SEMA6A: variants seen among roughly 807,000 people sequenced by gnomAD.
SEMA6A encodes the protein semaphorin-6A.
Under a neutral mutation model 96.8 loss-of-function variants are expected in SEMA6A, and 25 were observed. The observed-to-expected ratio is 0.26, with a 90% CI of 0.19 to 0.36. SEMA6A has a LOEUF of 0.36. SEMA6A is among the 10% of genes least tolerant of loss of function. The pLI is 1.00. For synonymous variants in SEMA6A, 612 were observed against 518.0 expected, an observed-to-expected ratio of 1.18 and a Z score of -2.46; for missense variants, 1,363 against 1,323.1, an observed-to-expected ratio of 1.03 and a Z score of -0.47.
chr5:116,458,766 A>T (rs1392810900), intron 18 of SEMA6A, among the ~76,000 whole-genome samples: 1 of 152,074 alleles, frequency 6.6e-6, no homozygotes, highest in African/African-American at 2.4e-5. Flanking sequence ...CAATAATCTC[A>T]TCAAGACCTT....
rs755610205 is a variant in SEMA6A, at chr5:116,446,905, A to G, written c.2801T>C (p.Leu934Pro). ...GGAGGAGTTAGTGTTGTTTCTTTTG[A>G]GAGTGGTGGCCTGGTGGCTTCTCGT... ...SLTRSHQATT[L>P]KRNNTNSSNS... The change falls in exon 19 of 19, where the codon CTC becomes CCC. Residue 934 changes from leucine (L) to proline (P), a missense_variant. By Grantham distance (98) the Leu-to-Pro change is moderately conservative. Coordinates refer to ENST00000343348, the MANE Select transcript of SEMA6A (RefSeq NM_020796.5). 1.3e-5 allele frequency: 21 copies of G among 1,613,696 alleles called. No homozygotes were observed. The Admixed American group carries it at 2.2e-4, about 17-fold the overall frequency.
chr5:116,536,329 A>G (rs974404094), intron 1 of SEMA6A: 3 of 152,148 alleles, frequency 2.0e-5, no homozygotes, highest in Admixed American at 6.5e-5. Flanking sequence ...TCTCTCCAGC[A>G]CTAGGATTCC....
At chr5:116,477,718 G>T in intron 15 of SEMA6A, 128 bp downstream of exon 15, 7 of 869,208 alleles carry the variant, frequency 8.1e-6, no homozygotes, top group Middle Eastern at 3.5e-4. Flanking sequence ...GAGAAAGGCT[G>T]ACAGTCCCGT....
At chr5:116,573,352 G>A (rs1040381579) in intron 1 of SEMA6A, among the ~76,000 whole-genome samples, 2 of 152,002 alleles carry the variant, frequency 1.3e-5, no homozygotes, top group African/African-American at 2.4e-5. Context: ...GGAGGAGGGC[G>A]TACCGTGCGC....
At position 116,553,393 on chromosome 5, in the gene SEMA6A, C is replaced by T. The variant is rs569663038; in HGVS notation, c.-39+20792G>A. Reference sequence around the variant, plus strand: ...GGCGGCTCACACTTGGTGTCATTAGCGTCTATTTAATATGGCAGCTGATGC... The same window carrying T: ...GGCGGCTCACACTTGGTGTCATTAGTGTCTATTTAATATGGCAGCTGATGC... On this transcript the variant is annotated intron_variant, in intron 1 of 18. Coordinates refer to ENST00000343348, the MANE Select transcript of SEMA6A (RefSeq NM_020796.5). 8.8e-4 allele frequency among the ~76,000 whole-genome samples: 134 copies of T among 152,260 alleles called. 1 individual carries two copies. Among genetic ancestry groups the T allele is most frequent in the Non-Finnish European group, 9.3e-4 (63 of 68,012 alleles).
intron 1 of SEMA6A, among the ~76,000 whole-genome samples, chr5:116,524,422 A>C (rs1009086186): frequency 6.6e-6 from 1 of 152,164 alleles, no homozygotes; most frequent in South Asian, 2.1e-4. Context: ...AACCCCATGA[A>C]AGAATTGTTT....
chr5:116,488,298 C>A, intron 8 of SEMA6A, 102 bp from the exon 9 acceptor site: 1 of 754,508 alleles, frequency 1.3e-6, no homozygotes, highest in Non-Finnish European at 2.2e-6. Context: ...AAGTGTAGCA[C>A]CATTAGACAT....
At chr5:116,449,353 A>G in intron 18 of SEMA6A, 1 of 702,480 alleles carries the variant, frequency 1.4e-6, no homozygotes, top group Non-Finnish European at 2.6e-6. Flanking sequence ...TTCATCTACT[A>G]AATCAACTCT....
chr5:116,514,472 G>T (rs2112799584), intron 1 of SEMA6A, among the ~76,000 whole-genome samples: 1 of 152,018 alleles, frequency 6.6e-6, no homozygotes, highest in Non-Finnish European at 1.5e-5. Context: ...GGGGTTGTTT[G>T]TTTTTTTCTT....
chr5:116,453,621 A>C (rs1754791019), intron 18 of SEMA6A, among the ~76,000 whole-genome samples: 1 of 152,192 alleles, frequency 6.6e-6, no homozygotes, highest in Non-Finnish European at 1.5e-5. Flanking sequence ...CACTCATAGA[A>C]GGAAAGTTCT....
chr5:116,486,589 T>G (rs1157720794), intron 10 of SEMA6A, 160 bp downstream of exon 10: 2 of 619,782 alleles, frequency 3.2e-6, no homozygotes, highest in Middle Eastern at 4.3e-4. Flanking sequence ...TATAAACTAC[T>G]TTTAATTTGT....
At chr5:116,508,833 A>AT (rs1188852080) in intron 1 of SEMA6A, among the ~76,000 whole-genome samples, 1 of 152,094 alleles carries the variant, frequency 6.6e-6, no homozygotes, top group Non-Finnish European at 1.5e-5. Flanking sequence ...CTTACCCATT[A>AT]ACCTCACCTG....
intron 18 of SEMA6A, among the ~76,000 whole-genome samples, chr5:116,459,417 C>G (rs1338255141): frequency 6.6e-6 from 1 of 152,124 alleles, no homozygotes; most frequent in Non-Finnish European, 1.5e-5. Context: ...TTCTTCCCAA[C>G]GTCTACCTTC....
intron 1 of SEMA6A, among the ~76,000 whole-genome samples, chr5:116,551,222 A>C (rs1159561526): frequency 6.6e-6 from 1 of 151,836 alleles, no homozygotes; most frequent in Non-Finnish European, 1.5e-5. Flanking sequence ...GGGCTTTGAG[A>C]GTAGGGGAGG....
Position 116,557,586 on chromosome 5 carries a change from A to C in SEMA6A, c.-39+16599T>G, listed in dbSNP as rs148451677. Among the ~76,000 whole-genome samples the C allele has an allele frequency of 4.3e-4, 66 of 152,376 alleles. No homozygotes were observed. In the East Asian group the frequency reaches 5.4e-3, roughly 12 times the overall value. On this transcript the variant is annotated intron_variant, in intron 1 of 18. Transcript: ENST00000343348. The stretch of plus-strand genomic sequence containing the variant: ...GCTTTTTTGCACATACAAAATAGAA[A>C]ATAAAAGTGAAGTTAATTGGTTAAG...
At chr5:116,510,559 A>T (rs1425903054) in intron 1 of SEMA6A, among the ~76,000 whole-genome samples, 2 of 152,128 alleles carry the variant, frequency 1.3e-5, no homozygotes, top group African/African-American at 4.8e-5. Context: ...ATAGTCCTCA[A>T]TAAATGTTTA....
At position 116,502,423 on chromosome 5, in the gene SEMA6A, C is replaced by T. The variant is rs141948575; in HGVS notation, c.101-96G>A. The T allele has an allele frequency of 8.3e-5, 79 of 947,678 alleles. 1 individual carries two copies. Among genetic ancestry groups the T allele is most frequent in the Middle Eastern group, 6.3e-4 (2 of 3,152 alleles). 58.7% of individuals were successfully genotyped at this position (947,678 alleles called of 1,614,324 possible). A position where few individuals can be genotyped will look rare whatever the true frequency, so the allele number is the denominator to read the frequency against. ...AGGGAGACAGGTCACAAAAGAAACC[C>T]GTGTTTAAGTCAGACCATGCCACCA... On this transcript the variant is annotated intron_variant, in intron 2 of 18. Coordinates refer to ENST00000343348, the MANE Select transcript of SEMA6A (RefSeq NM_020796.5).
intron 1 of SEMA6A, among the ~76,000 whole-genome samples, chr5:116,512,108 T>C (rs908324689): frequency 2.6e-5 from 4 of 152,192 alleles, no homozygotes; most frequent in Non-Finnish European, 5.9e-5. Flanking sequence ...TTCACTGACC[T>C]GGACAGCTCT....
At chr5:116,536,648 T>C (rs1245862251) in intron 1 of SEMA6A, among the ~76,000 whole-genome samples, 2 of 152,130 alleles carry the variant, frequency 1.3e-5, no homozygotes, top group Admixed American at 1.3e-4. Context: ...GCAATATGCT[T>C]ATCAGGGTCT....
Sources: gnomAD v4.1 joint callset for allele counts (sites outside exome capture counted in the v4.1 genomes callset) on GRCh38, gnomAD v4.1.1 for gene constraint, MANE v1.5 for transcripts, NCBI Gene and HGNC (gene_info 2026-07-23, HGNC 2026-07-21) for gene names.